Variants in CCDC169 observed in about 807,000 individuals in gnomAD.
CCDC169 encodes coiled-coil domain containing 169, also known as coiled-coil domain-containing protein 169.
CCDC169 carries 30 observed loss-of-function variants against 36.0 expected under a neutral mutation model. That is an observed-to-expected ratio of 0.83 (90% CI 0.62 to 1.13). The LOEUF (loss-of-function observed/expected upper bound fraction) is 1.13. Ranked by LOEUF, CCDC169 falls within the 50% of genes most tolerant of loss-of-function variation. The probability of loss-of-function intolerance (pLI) is 0.00; values close to 1 mark genes in which losing one functional copy is unlikely to be tolerated. For synonymous variants in CCDC169, 85 were observed against 81.5 expected, an observed-to-expected ratio of 1.04 and a Z score of -0.23; for missense variants, 245 against 245.9, an observed-to-expected ratio of 1.00 and a Z score of 0.03.
chr13:36,284,762 A>G (rs1877964362), intron 2 of CCDC169, among the ~76,000 whole-genome samples: 1 of 152,196 alleles, frequency 6.6e-6, no homozygotes, highest in African/African-American at 2.4e-5. Flanking sequence ...TGCTCTTCAC[A>G]GGTCTGAAAT....
rs555634705 is a variant in CCDC169, at chr13:36,292,594, C to T, written c.163+3184G>A. ...GGAGTTGGCTGTGTTTACCACCTGC[C>T]TAAAAACTAATCCAGTGACAAGCAA... On this transcript the variant is annotated intron_variant, in intron 2 of 7. Coordinates refer to ENST00000239859, the MANE Select transcript of CCDC169 (RefSeq NM_001144981.3). 4.6e-5 allele frequency among the ~76,000 whole-genome samples: 7 copies of T among 152,162 alleles called. 1 individual carries two copies. In the East Asian group the frequency reaches 1.4e-3, roughly 29 times the overall value.
rs1258598697 is a variant in CCDC169, at chr13:36,254,067, A to C, written c.392T>G (p.Leu131Arg). ...TLESQVKYYA[L>R]KLEQESKAYQ... ...AACCTTTGATTCTTGTTCCAGTTTA[A>C]GTGCATAGTATTTCACTTGACTTTC... Residue 131 changes from leucine to arginine, a missense_variant, in exon 5 of 8, where the codon CTT (leucine) becomes CGT (arginine). By Grantham distance (102) the Leu-to-Arg change is moderately radical. Transcript: ENST00000239859. 9 of 1,548,776 alleles carry C rather than the reference A, an allele frequency of 5.8e-6. No individual in the cohort carries two copies. The Admixed American group carries it at 9.9e-5, about 17-fold the overall frequency.
chr13:36,296,341 C>G (rs1053361475), intron 1 of CCDC169, among the ~76,000 whole-genome samples: 10 of 152,204 alleles, frequency 6.6e-5, no homozygotes, highest in South Asian at 4.1e-4. Flanking sequence ...ATCCGCCCAG[C>G]CTCGGCCTCC....
At chr13:36,270,858 C>T (rs1875957385) in intron 4 of CCDC169, among the ~76,000 whole-genome samples, 1 of 152,036 alleles carries the variant, frequency 6.6e-6, no homozygotes, top group Non-Finnish European at 1.5e-5. Context: ...AGACATTGGC[C>T]TAGGCAAAGA....
At chr13:36,266,283 G>T (rs1298343820) in intron 4 of CCDC169, among the ~76,000 whole-genome samples, 1 of 152,134 alleles carries the variant, frequency 6.6e-6, no homozygotes, top group Non-Finnish European at 1.5e-5. Flanking sequence ...AGCTCCTGAG[G>T]GGGAAACCAG....
At chr13:36,265,630 C>T (rs1875190882) in intron 4 of CCDC169, among the ~76,000 whole-genome samples, 1 of 152,216 alleles carries the variant, frequency 6.6e-6, no homozygotes, top group Admixed American at 6.5e-5. Context: ...GCACTAATCG[C>T]TACTGTCTTC....
At chr13:36,227,054 A>G (rs1869915428), downstream of CCDC169, 2 of 443,222 alleles carry the variant, frequency 4.5e-6, no homozygotes, top group Non-Finnish European at 7.9e-6. Flanking sequence ...GAGTTGGAAG[A>G]AGTTTCATTC....
chr13:36,227,347 C>A, downstream of CCDC169: 11 of 1,550,330 alleles, frequency 7.1e-6, no homozygotes, highest in Non-Finnish European at 9.6e-6. Flanking sequence ...AAGCAGCTGA[C>A]CTTTAAAGGG....
intron 4 of CCDC169, among the ~76,000 whole-genome samples, chr13:36,259,037 G>A (rs9546942): frequency 0.4 from 61,495 of 151,914 alleles, 13,232 homozygotes; most frequent in Non-Finnish European, 0.48. Flanking sequence ...GGCACATCTA[G>A]AATGTGTTCC....
intron 4 of CCDC169, chr13:36,274,446 T>G (rs545660058): frequency 6.6e-6 from 1 of 152,174 alleles, no homozygotes; most frequent in Non-Finnish European, 1.5e-5. Context: ...GGACTGTTCA[T>G]AACTTAATGT....
intron 4 of CCDC169, among the ~76,000 whole-genome samples, chr13:36,257,799 G>C (rs1874104577): frequency 6.6e-6 from 1 of 152,052 alleles, no homozygotes; most frequent in South Asian, 2.1e-4. Flanking sequence ...CCAGTAGCTA[G>C]CCAGTGCCCA....
chr13:36,283,542 T>A, intron 3 of CCDC169, 33 bp from the exon 4 acceptor site: 1 of 1,550,866 alleles, frequency 6.4e-7, no homozygotes, highest in South Asian at 1.2e-5. Flanking sequence ...ACTTAATGTT[T>A]TATCAGTTTT....
At chr13:36,283,253 C>G in intron 4 of CCDC169, 2 of 580,664 alleles carry the variant, frequency 3.4e-6, no homozygotes. Flanking sequence ...TCTATACATG[C>G]TCTGCTCTTC....
Position 36,231,302 on chromosome 13 carries a change from A to G in CCDC169, c.546-10T>C, listed in dbSNP as rs1032930807. ...TGGATTATATCTTCCACTGAAATAA[A>G]TAAGTGTTAATCATAATTTTTCAGT... is the stretch of plus-strand genomic sequence containing the variant. On this transcript the variant is annotated splice_polypyrimidine_tract_variant and intron_variant, in intron 7 of 7. Coordinates refer to ENST00000239859, the MANE Select transcript of CCDC169 (RefSeq NM_001144981.3). The G allele has an allele frequency of 6.4e-6, 10 of 1,550,472 alleles. No homozygotes were observed. The Middle Eastern group carries it at 5.0e-4, about 77-fold the overall frequency.
At chr13:36,278,109 G>A (rs1877067074) in intron 4 of CCDC169, among the ~76,000 whole-genome samples, 2 of 152,104 alleles carry the variant, frequency 1.3e-5, no homozygotes, top group African/African-American at 4.8e-5. Context: ...CAAGTTGATT[G>A]GGGTTAATTT....
intron 7 of CCDC169, among the ~76,000 whole-genome samples, chr13:36,243,467 A>G (rs1872110312): frequency 6.6e-6 from 1 of 151,128 alleles, no homozygotes; most frequent in African/African-American, 2.4e-5. Context: ...GCACCACTGC[A>G]CTTCAACCTG....
At chr13:36,275,850 G>A (rs1389311148) in intron 4 of CCDC169, among the ~76,000 whole-genome samples, 1 of 152,150 alleles carries the variant, frequency 6.6e-6, no homozygotes, top group Non-Finnish European at 1.5e-5. Context: ...GCAACAGGAT[G>A]AAGAAAAGAT....
chr13:36,242,085 C>T (rs1195398594), intron 7 of CCDC169, among the ~76,000 whole-genome samples: 1 of 152,172 alleles, frequency 6.6e-6, no homozygotes, highest in Non-Finnish European at 1.5e-5. Flanking sequence ...AACATGTTTC[C>T]TACACAGCTT....
rs565913838 is a variant in CCDC169 at position 36,239,591 on chromosome 13, A to G, written c.546-8299T>C. Among the ~76,000 whole-genome samples the G allele has an allele frequency of 2.0e-5, 3 of 152,332 alleles. No individual in the cohort carries two copies. The East Asian group carries it at 5.8e-4, about 29-fold the overall frequency. On this transcript the variant is annotated intron_variant, in intron 7 of 7. Coordinates refer to ENST00000239859, the MANE Select transcript of CCDC169 (RefSeq NM_001144981.3). ...TCAGTAAAGCACTATAGTAATGATA[A>G]TAGTTAGTGTTTGTTGAATTAGGGA... is the stretch of plus-strand genomic sequence containing the variant.
Sources: allele counts gnomAD v4.1 joint callset (sites outside exome capture counted in the v4.1 genomes callset), GRCh38; gene constraint gnomAD v4.1.1; transcripts MANE v1.5; gene names NCBI Gene and HGNC (gene_info 2026-07-23, HGNC 2026-07-21).